STK33: variants seen among roughly 807,000 people sequenced by gnomAD.
STK33 encodes the protein serine/threonine-protein kinase 33.
Under a neutral mutation model 58.0 loss-of-function variants are expected in STK33, and 52 were observed. The observed-to-expected ratio is 0.90, with a 90% CI of 0.72 to 1.13. STK33 has a LOEUF of 1.13. STK33 is among the 50% of genes most tolerant of loss of function. STK33 has a pLI of 0.00. For missense variants in STK33, 630 were observed against 604.2 expected (o/e 1.04, Z -0.45); for synonymous variants, 215 against 200.1 (o/e 1.07, Z -0.63).
At chr11:8,391,273 A>G (rs551427690), downstream of STK33, among the ~76,000 whole-genome samples, 3 of 152,250 alleles carry the variant, frequency 2.0e-5, no homozygotes, top group Non-Finnish European at 4.4e-5. Flanking sequence ...AGCTATGTTA[A>G]TGACAGTTTA....
chr11:8,562,700 T>C (rs1193659172), intron 1 of STK33, among the ~76,000 whole-genome samples: 1 of 152,166 alleles, frequency 6.6e-6, no homozygotes, highest in Non-Finnish European at 1.5e-5. Flanking sequence ...TTTACTTTTC[T>C]GAATATCTTC....
chr11:8,425,702 T>A (rs917919338), intron 14 of STK33, among the ~76,000 whole-genome samples: 1 of 152,298 alleles, frequency 6.6e-6, no homozygotes, highest in Non-Finnish European at 1.5e-5. Flanking sequence ...AAAAATTCAA[T>A]TAGACAATAT....
intron 1 of STK33, among the ~76,000 whole-genome samples, chr11:8,512,998 C>A (rs1016098682): frequency 6.6e-6 from 1 of 152,166 alleles, no homozygotes; most frequent in Non-Finnish European, 1.5e-5. Flanking sequence ...AAAAATTAAA[C>A]AAATTATGAA....
rs559949246 is a variant in STK33, at chr11:8,523,026, G to A, written c.-465-42412C>T. Among the ~76,000 whole-genome samples, 47 of 152,332 alleles carry A rather than the reference G, an allele frequency of 3.1e-4. No homozygotes were observed. The South Asian group carries it at 8.7e-3, about 28-fold the overall frequency. ...CCGGGCTGGTCTCCAGCTCCTGACCGCGAGTGATCTGCCAGCCTCGGCCTC... is the reference window on the plus strand; with the variant it reads ...CCGGGCTGGTCTCCAGCTCCTGACCACGAGTGATCTGCCAGCCTCGGCCTC... On this transcript the variant is annotated intron_variant, in intron 1 of 15. Coordinates refer to ENST00000687296, the MANE Select transcript of STK33 (RefSeq NM_001352389.2).
chr11:8,365,069 CCCTTCTCCT>C, the STK33 span, among the ~76,000 whole-genome samples: 36,643 of 151,818 alleles, frequency 0.24, 5,396 homozygotes, highest in East Asian at 0.41. Flanking sequence ...GCTGGTTAGT[CCCTTCTCCT>C]CCTCCCAACC....
chr11:8,339,085 A>T, the STK33 span, among the ~76,000 whole-genome samples: 2 of 152,220 alleles, frequency 1.3e-5, no homozygotes, highest in South Asian at 4.1e-4. Context: ...AGCAAGGCCC[A>T]GGAATTCTTT....
At chr11:8,426,354 G>C (rs1454693076) in intron 14 of STK33, among the ~76,000 whole-genome samples, 1 of 152,236 alleles carries the variant, frequency 6.6e-6, no homozygotes, top group Non-Finnish European at 1.5e-5. Flanking sequence ...CCAGCTGCTT[G>C]TGCGTCTGCC....
chr11:8,513,706 T>C (rs1331362372), intron 1 of STK33, among the ~76,000 whole-genome samples: 2 of 152,130 alleles, frequency 1.3e-5, no homozygotes, highest in East Asian at 1.9e-4. Flanking sequence ...AGTAGGTGTA[T>C]ATATTTATGG....
chr11:8,413,617 C>G lies in STK33; in HGVS notation c.1222G>C (p.Val408Leu). 1 of 1,614,030 alleles carries G rather than the reference C, an allele frequency of 6.2e-7. No individual in the cohort carries two copies. The highest frequency in any genetic ancestry group is 8.5e-7 in the Non-Finnish European group (1 of 1,179,966). ...MKEWKNNPES[V>L]EENTTEEKNK... ...TTCTCTTCTGTTGTGTTTTCCTCAACACTTTCTGGGTTATTTTTCCATTCC... is the reference window on the plus strand; with the variant it reads ...TTCTCTTCTGTTGTGTTTTCCTCAAGACTTTCTGGGTTATTTTTCCATTCC... Residue 408 changes from valine to leucine, a missense_variant, in exon 15 of 16, where the codon GTT (valine) becomes CTT (leucine). By Grantham distance (32) the Val-to-Leu change is conservative. Coordinates refer to ENST00000687296, the MANE Select transcript of STK33 (RefSeq NM_001352389.2).
the STK33 span, among the ~76,000 whole-genome samples, chr11:8,361,591 C>G: frequency 6.6e-6 from 1 of 152,210 alleles, no homozygotes; most frequent in African/African-American, 2.4e-5. This position sits in a 1 kb window ranked among gnomAD's most constrained non-coding sequence, Gnocchi z 4.8. Flanking sequence ...TCTCTCCTCC[C>G]CTCTGAGCTC....
chr11:8,362,978 G>A, the STK33 span, among the ~76,000 whole-genome samples: 1 of 150,802 alleles, frequency 6.6e-6, no homozygotes, highest in African/African-American at 2.4e-5. Context: ...GGGTGACAGG[G>A]TCACGCACTG....
At chr11:8,512,930 C>G (rs1952458414) in intron 1 of STK33, among the ~76,000 whole-genome samples, 1 of 152,178 alleles carries the variant, frequency 6.6e-6, no homozygotes. Context: ...AGGTTTAGCA[C>G]TGAGTTGCTT....
At chr11:8,487,278 G>T (rs1384002412) in intron 1 of STK33, among the ~76,000 whole-genome samples, 3 of 151,828 alleles carry the variant, frequency 2.0e-5, no homozygotes, top group Non-Finnish European at 4.4e-5. Context: ...ACAAAAATTA[G>T]CTAGGCGTGG....
At chr11:8,515,623 G>C (rs1952708471) in intron 1 of STK33, among the ~76,000 whole-genome samples, 1 of 152,186 alleles carries the variant, frequency 6.6e-6, no homozygotes, top group East Asian at 1.9e-4. Context: ...CACATTAAAA[G>C]GATCACAAAC....
At chr11:8,553,985 A>G (rs1176245364) in intron 1 of STK33, among the ~76,000 whole-genome samples, 1 of 152,198 alleles carries the variant, frequency 6.6e-6, no homozygotes, top group Non-Finnish European at 1.5e-5. Context: ...GAGCAAAGGA[A>G]ACAGATTAAC....
intron 1 of STK33, among the ~76,000 whole-genome samples, chr11:8,528,979 G>GT (rs1954290970): frequency 6.6e-6 from 1 of 152,198 alleles, no homozygotes; most frequent in South Asian, 2.1e-4. Context: ...CATTATCCCT[G>GT]TTTTTTATAA....
chr11:8,436,238 T>C, intron 12 of STK33, 99 bp from the exon 13 acceptor site: 1 of 620,630 alleles, frequency 1.6e-6, no homozygotes, highest in Non-Finnish European at 2.6e-6. Flanking sequence ...TGTTGCTTCA[T>C]ATTTAAGGAA....
chr11:8,361,606 G>T, the STK33 span, among the ~76,000 whole-genome samples: 1 of 152,164 alleles, frequency 6.6e-6, no homozygotes, highest in African/African-American at 2.4e-5. This position sits in a 1 kb window ranked among gnomAD's most constrained non-coding sequence, Gnocchi z 4.8. Context: ...GAGCTCTGGG[G>T]CTCTTCTTCT....
the STK33 span, among the ~76,000 whole-genome samples, chr11:8,383,288 G>A: frequency 6.6e-6 from 1 of 152,360 alleles, no homozygotes; most frequent in South Asian, 2.1e-4. Flanking sequence ...GGGGCTGGAT[G>A]TGGCAGCTGG....
Sources: gnomAD v4.1 joint callset for allele counts (sites outside exome capture counted in the v4.1 genomes callset) on GRCh38, gnomAD v4.1.1 for gene constraint, Gnocchi (gnomAD v3.1) non-coding constraint, MANE v1.5 for transcripts, NCBI Gene and HGNC (gene_info 2026-07-23, HGNC 2026-07-21) for gene names.